Variants in PTPRJ observed in about 807,000 individuals in gnomAD.
PTPRJ encodes receptor-type tyrosine-protein phosphatase eta.
In PTPRJ, 129 loss-of-function variants were observed where a neutral mutation model predicts 141.3. The observed-to-expected ratio is 0.91, with a 90% CI of 0.79 to 1.06. The LOEUF (loss-of-function observed/expected upper bound fraction) is 1.06. Ranked by LOEUF, PTPRJ falls within the 50% of genes least tolerant of loss-of-function variation. The pLI is 0.00. For synonymous variants in PTPRJ, 610 were observed against 640.5 expected, an observed-to-expected ratio of 0.95 and a Z score of 0.72; for missense variants, 1,601 against 1,679.7, an observed-to-expected ratio of 0.95 and a Z score of 0.82.
At chr11:48,163,394 C>A in intron 22 of PTPRJ, 64 bp from the exon 23 acceptor site, 1 of 1,512,764 alleles carries the variant, frequency 6.6e-7, no homozygotes, top group South Asian at 1.1e-5. Flanking sequence ...TTGATTTCCC[C>A]TGCCTTTTTG....
chr11:48,085,474 A>C (rs1024766933), intron 1 of PTPRJ, among the ~76,000 whole-genome samples: 24 of 152,032 alleles, frequency 1.6e-4, no homozygotes, highest in African/African-American at 5.8e-4. Flanking sequence ...CCTCCTGAGT[A>C]GCTGGGATTA....
At chr11:48,104,155 G>C (rs12283260) in intron 1 of PTPRJ, among the ~76,000 whole-genome samples, 2,308 of 152,264 alleles carry the variant, frequency 0.015, 54 homozygotes, top group African/African-American at 0.052. Flanking sequence ...CTGCCTGCTG[G>C]CCTGCTTGTC....
At chr11:48,131,658 T>TCCACTATAGCAGATGCG in intron 8 of PTPRJ, 1 of 602,352 alleles carries the variant, frequency 1.7e-6, no homozygotes, top group Non-Finnish European at 3.0e-6. Flanking sequence ...ATGTACTGTC[T>TCCACTATAGCAGATGCG]ATGGCTACTT....
At chr11:48,123,211 G>A (rs926794888) in intron 4 of PTPRJ, among the ~76,000 whole-genome samples, 1 of 152,184 alleles carries the variant, frequency 6.6e-6, no homozygotes, top group Non-Finnish European at 1.5e-5. Context: ...GAGACCTTTA[G>A]ATTAGTAAAC....
chr11:48,041,274 A>C (rs1854267104), intron 1 of PTPRJ, among the ~76,000 whole-genome samples: 1 of 152,126 alleles, frequency 6.6e-6, no homozygotes, highest in African/African-American at 2.4e-5. Flanking sequence ...GATTCGTGTG[A>C]AAATGCAGGG....
At chr11:48,061,464 G>A (rs757386359) in intron 1 of PTPRJ, among the ~76,000 whole-genome samples, 4 of 152,210 alleles carry the variant, frequency 2.6e-5, no homozygotes, top group Non-Finnish European at 5.9e-5. Context: ...TGCAGTAATG[G>A]TTCTGCTGCT....
At chr11:48,162,291 G>A (rs1232062814) in intron 22 of PTPRJ, among the ~76,000 whole-genome samples, 1 of 151,520 alleles carries the variant, frequency 6.6e-6, no homozygotes, top group Non-Finnish European at 1.5e-5. Context: ...GCCCCTCCAC[G>A]AAGATAATAC....
intron 1 of PTPRJ, among the ~76,000 whole-genome samples, chr11:48,063,503 T>C (rs1854997324): frequency 6.6e-6 from 1 of 152,208 alleles, no homozygotes; most frequent in South Asian, 2.1e-4. Flanking sequence ...GAAAGGTAAT[T>C]GGCCTTCCCT....
At chr11:48,059,447 G>C (rs544600256) in intron 1 of PTPRJ, among the ~76,000 whole-genome samples, 15 of 152,170 alleles carry the variant, frequency 9.9e-5, no homozygotes, top group African/African-American at 2.9e-4. Flanking sequence ...CCATAGCTCT[G>C]GCTCTAATAT....
At chr11:48,081,223 T>C (rs1214544803) in intron 1 of PTPRJ, among the ~76,000 whole-genome samples, 1 of 152,214 alleles carries the variant, frequency 6.6e-6, no homozygotes, top group East Asian at 1.9e-4. Context: ...ATTCATTTGC[T>C]TGTGCCGAGC....
intron 1 of PTPRJ, among the ~76,000 whole-genome samples, chr11:48,015,441 C>T (rs1020795235): frequency 3.9e-5 from 6 of 152,162 alleles, no homozygotes; most frequent in African/African-American, 1.4e-4. Flanking sequence ...CTCCCGCCCT[C>T]CATCCCGCTT....
At chr11:48,152,413 T>G (rs570874731) in intron 18 of PTPRJ, among the ~76,000 whole-genome samples, 2 of 152,048 alleles carry the variant, frequency 1.3e-5, no homozygotes, top group Non-Finnish European at 2.9e-5. Context: ...TTCACTCTGA[T>G]GGTAGTTTCT....
intron 1 of PTPRJ, among the ~76,000 whole-genome samples, chr11:48,044,231 C>T (rs1271299132): frequency 6.6e-6 from 1 of 152,200 alleles, no homozygotes; most frequent in Non-Finnish European, 1.5e-5. Context: ...GGCGTATGTG[C>T]TTCATATGGT....
intron 18 of PTPRJ, among the ~76,000 whole-genome samples, chr11:48,153,028 CT>C (rs1485048164): frequency 2.0e-5 from 3 of 152,236 alleles, no homozygotes; most frequent in East Asian, 3.9e-4. Flanking sequence ...CCACTTTGTT[CT>C]TTTGCTACCA....
At chr11:47,989,244 C>T (rs1402101924) in intron 1 of PTPRJ, among the ~76,000 whole-genome samples, 3 of 150,284 alleles carry the variant, frequency 2.0e-5, no homozygotes, top group African/African-American at 4.9e-5. Flanking sequence ...TGGTCATTTG[C>T]CTCTGCTTCT....
chr11:48,163,764 C>T lies in PTPRJ; in HGVS notation c.3719+146C>T, dbSNP rs1857843721. On this transcript the variant is annotated intron_variant, in intron 23 of 24. Transcript: ENST00000418331. ...GGATAAGGAACCATGGACTTACTCC[C>T]TAAGCCCTGAGCTTCCAAAACAGGG... The T allele has an allele frequency of 1.1e-5, 11 of 1,019,658 alleles. No individual in the cohort carries two copies. In the South Asian group the frequency reaches 1.3e-4, roughly 12 times the overall value. The allele number at this position is 1,019,658 out of a possible 1,614,324, so 63.2% of individuals were successfully genotyped here. A position where few individuals can be genotyped will look rare whatever the true frequency, so the allele number is the denominator to read the frequency against.
chr11:48,089,402 G>A (rs1215678254), intron 1 of PTPRJ, among the ~76,000 whole-genome samples: 2 of 151,814 alleles, frequency 1.3e-5, no homozygotes, highest in African/African-American at 4.8e-5. Context: ...TGTGATTCCA[G>A]CTACTCAGGA....
intron 18 of PTPRJ, among the ~76,000 whole-genome samples, chr11:48,152,359 A>G (rs1468888238): frequency 6.6e-6 from 1 of 152,100 alleles, no homozygotes; most frequent in Non-Finnish European, 1.5e-5. Context: ...CCTTTGTCAG[A>G]TGGGTAGATT....
chr11:48,150,350 T>C (rs945407690), intron 18 of PTPRJ, among the ~76,000 whole-genome samples, 167 bp downstream of exon 18: 2 of 152,206 alleles, frequency 1.3e-5, no homozygotes, highest in East Asian at 1.9e-4. Context: ...AGTGCAGTTA[T>C]ATTACTCACA....
Sources: gnomAD v4.1 joint callset for allele counts (sites outside exome capture counted in the v4.1 genomes callset) on GRCh38, gnomAD v4.1.1 for gene constraint, MANE v1.5 for transcripts, NCBI Gene and HGNC (gene_info 2026-07-23, HGNC 2026-07-21) for gene names.